The following CAMTA1 variants were observed in gnomAD, a reference collection of about 807,000 sequenced individuals.
The protein encoded by CAMTA1 is calmodulin binding transcription activator 1, also known as calmodulin-binding transcription activator 1.
CAMTA1 carries 27 observed loss-of-function variants against 170.9 expected under a neutral mutation model. That is an observed-to-expected ratio of 0.16 (90% CI 0.12 to 0.22). The LOEUF is 0.22. Among genes scored for constraint, CAMTA1 ranks in the 10% least tolerant of loss-of-function variants. The pLI is 1.00. For missense variants in CAMTA1, 1,619 were observed against 2,217.2 expected, an observed-to-expected ratio of 0.73 and a Z score of 5.42; for synonymous variants, 833 against 891.5, an observed-to-expected ratio of 0.93 and a Z score of 1.17.
chr1:7,164,040 G>T (rs1647838869), intron 4 of CAMTA1, among the ~76,000 whole-genome samples: 1 of 152,198 alleles, frequency 6.6e-6, no homozygotes, highest in South Asian at 2.1e-4. Context: ...AGAATGCTGA[G>T]CTCTTCCCAG....
At chr1:7,755,330 A>C (rs1329573640) in intron 21 of CAMTA1, among the ~76,000 whole-genome samples, 2 of 85,356 alleles carry the variant, frequency 2.3e-5, no homozygotes, top group Non-Finnish European at 2.9e-5. Context: ...CCGTCTCAAA[A>C]AAAAAAAAAA....
Position 7,634,245 on chromosome 1 carries a change from A to T in CAMTA1, c.511-6155A>T, listed in dbSNP as rs1444418151. Among the ~76,000 whole-genome samples, 1 of 152,066 alleles carries T rather than the reference A, an allele frequency of 6.6e-6. No individual in the cohort carries two copies. Among genetic ancestry groups the T allele is most frequent in the Non-Finnish European group, 1.5e-5 (1 of 68,002 alleles). ...CTTGGTCATTGCAGGCAGGGGGTAT[A>T]TGGGAGGATTAGGCTTCCTGGGGTG... On this transcript the variant is annotated intron_variant, in intron 6 of 22. Coordinates refer to ENST00000303635, the MANE Select transcript of CAMTA1 (RefSeq NM_015215.4). The surrounding 1 kb of genome is among the most constrained non-coding windows in gnomAD (Gnocchi z 6.2).
At chr1:7,365,300 A>C (rs180744925) in intron 5 of CAMTA1, among the ~76,000 whole-genome samples, 228 of 152,314 alleles carry the variant, frequency 1.5e-3, no homozygotes, top group African/African-American at 5.0e-3. Context: ...CCCTCGAATT[A>C]TCTCTAGAGT....
At chr1:7,709,708 A>C (rs1461299018) in intron 11 of CAMTA1, among the ~76,000 whole-genome samples, 1 of 152,212 alleles carries the variant, frequency 6.6e-6, no homozygotes, top group Non-Finnish European at 1.5e-5. Flanking sequence ...ATACAGCAGG[A>C]TGGGCACTGG....
intron 7 of CAMTA1, among the ~76,000 whole-genome samples, chr1:7,654,543 TAC>T (rs2095867417): frequency 6.9e-6 from 1 of 145,458 alleles, no homozygotes; most frequent in Non-Finnish European, 1.5e-5. Flanking sequence ...CACCCATCTA[TAC>T]ACACACCGGC....
At chr1:7,257,420 A>G (rs1256854127) in intron 5 of CAMTA1, among the ~76,000 whole-genome samples, 1 of 152,140 alleles carries the variant, frequency 6.6e-6, no homozygotes, top group East Asian at 1.9e-4. Flanking sequence ...CTCAGTTGCA[A>G]TTTGATCCAA....
chr1:6,934,393 T>C lies in CAMTA1; in HGVS notation c.234+109183T>C, dbSNP rs1414656313. ...AGCCCTCCTGCTGTAATCTGCCCCATGTCACCTGCTTTAGGCATTCATATT... is the reference window on the plus strand; with the variant it reads ...AGCCCTCCTGCTGTAATCTGCCCCACGTCACCTGCTTTAGGCATTCATATT... On this transcript the variant is annotated intron_variant, in intron 3 of 22. Transcript: ENST00000303635. The surrounding 1 kb of genome is among the most constrained non-coding windows in gnomAD (Gnocchi z 4.5). 6.6e-6 allele frequency among the ~76,000 whole-genome samples: 1 copy of C among 152,186 alleles called. No individual in the cohort carries two copies. Among genetic ancestry groups the C allele is most frequent in the Non-Finnish European group, 1.5e-5 (1 of 68,026 alleles).
intron 4 of CAMTA1, among the ~76,000 whole-genome samples, chr1:7,221,242 T>A (rs1461968200): frequency 6.6e-6 from 1 of 151,976 alleles, no homozygotes; most frequent in East Asian, 1.9e-4. Context: ...TTTTTTAATC[T>A]TTAGACAGAA....
At chr1:7,578,357 G>A (rs1239385128) in intron 6 of CAMTA1, among the ~76,000 whole-genome samples, 1 of 152,070 alleles carries the variant, frequency 6.6e-6, no homozygotes, top group South Asian at 2.1e-4. Flanking sequence ...CCAGGGAGCC[G>A]GGAGCACCAA....
chr1:7,211,081 T>C (rs1276317622), intron 4 of CAMTA1, among the ~76,000 whole-genome samples: 3 of 152,358 alleles, frequency 2.0e-5, no homozygotes, highest in Non-Finnish European at 2.9e-5. Context: ...AACATTTTAT[T>C]ATGCTGTCTT....
intron 4 of CAMTA1, among the ~76,000 whole-genome samples, chr1:7,143,514 T>C (rs987609686): frequency 6.6e-6 from 1 of 152,204 alleles, no homozygotes. Context: ...CCTGCTTTTC[T>C]GGTCAGATTA....
chr1:7,574,170 G>A (rs1038361281), intron 6 of CAMTA1, among the ~76,000 whole-genome samples: 13 of 124,146 alleles, frequency 1.0e-4, no homozygotes, highest in African/African-American at 2.6e-4. Flanking sequence ...CATGTGGGCC[G>A]TGCAGGGAGT....
At chr1:6,922,866 A>C (rs1001435082) in intron 3 of CAMTA1, among the ~76,000 whole-genome samples, 6 of 152,110 alleles carry the variant, frequency 3.9e-5, no homozygotes, top group African/African-American at 1.4e-4. Flanking sequence ...GAGCGCTGGG[A>C]TCTTGGAACA....
chr1:7,116,748 C>T (rs531058048), intron 4 of CAMTA1, among the ~76,000 whole-genome samples: 11 of 147,652 alleles, frequency 7.4e-5, no homozygotes, highest in East Asian at 2.1e-4. Context: ...TCCGGGTTCA[C>T]GCCATTCTTC....
In CAMTA1 at chr1:7,169,875, T is replaced by A. The variant is rs186853182; in HGVS notation, c.302+78504T>A. 1.9e-3 allele frequency among the ~76,000 whole-genome samples: 294 copies of A among 152,358 alleles called. 7 individuals carry two copies. The South Asian group carries it at 0.042, about 22-fold the overall frequency. ...ATATAGTCATATATCCTCTCAATAA[T>A]TTTTTAATATTTGAAGCTTCTCTGG... On this transcript the variant is annotated intron_variant, in intron 4 of 22. Coordinates refer to ENST00000303635, the MANE Select transcript of CAMTA1 (RefSeq NM_015215.4).
rs1558255891 is a variant in CAMTA1, at chr1:7,736,550, T to C, written c.3263+10T>C. On this transcript the variant is annotated intron_variant, in intron 13 of 22. Coordinates refer to ENST00000303635, the MANE Select transcript of CAMTA1 (RefSeq NM_015215.4). This position sits in a 1 kb window ranked among gnomAD's most constrained non-coding sequence, Gnocchi z 4.5. ...CCCTCATCAAATGGCGGTAAGGCTG[T>C]GGTGCAGCTGGCTGGGGGTCAGCCT... 1 of 1,612,808 alleles carries C rather than the reference T, an allele frequency of 6.2e-7. No homozygotes were observed. The highest frequency in any genetic ancestry group is 8.5e-7 in the Non-Finnish European group (1 of 1,178,872).
chr1:6,960,406 A>C (rs1690175111), intron 3 of CAMTA1, among the ~76,000 whole-genome samples: 1 of 152,072 alleles, frequency 6.6e-6, no homozygotes, highest in Non-Finnish European at 1.5e-5. Context: ...GCAGGGAGTC[A>C]TTGGGAAGGC....
chr1:7,384,884 T>C (rs2087755410), intron 5 of CAMTA1, among the ~76,000 whole-genome samples: 2 of 152,116 alleles, frequency 1.3e-5, no homozygotes, highest in African/African-American at 4.8e-5. Context: ...TCTGCCTCCC[T>C]GTACCCGTCA....
intron 11 of CAMTA1, among the ~76,000 whole-genome samples, chr1:7,711,079 C>A (rs982773909): frequency 6.6e-6 from 1 of 152,164 alleles, no homozygotes; most frequent in Non-Finnish European, 1.5e-5. Flanking sequence ...GTAAACAACA[C>A]AGATTTATTT....
Sources: allele counts gnomAD v4.1 joint callset (sites outside exome capture counted in the v4.1 genomes callset), GRCh38; gene constraint gnomAD v4.1.1; non-coding constraint Gnocchi (gnomAD v3.1); transcripts MANE v1.5; gene names NCBI Gene and HGNC (gene_info 2026-07-23, HGNC 2026-07-21).